Variants in GAB1 observed in about 807,000 individuals in gnomAD.
GAB1 encodes the protein GRB2 associated binding protein 1, also known as GRB2-associated-binding protein 1.
In GAB1, 19 loss-of-function variants were observed where a neutral mutation model predicts 66.5. That is an observed-to-expected ratio of 0.29 (90% CI 0.20 to 0.42). GAB1 has a LOEUF of 0.42. Ranked by LOEUF, GAB1 falls within the 10% of genes least tolerant of loss-of-function variation. The pLI is 1.00. For synonymous variants in GAB1, 294 were observed against 301.4 expected, an observed-to-expected ratio of 0.98 and a Z score of 0.25; for missense variants, 732 against 858.5, an observed-to-expected ratio of 0.85 and a Z score of 1.84.
intron 1 of GAB1, among the ~76,000 whole-genome samples, chr4:143,386,293 C>T (rs551055868): frequency 5.3e-5 from 8 of 152,084 alleles, no homozygotes; most frequent in South Asian, 2.1e-4. Flanking sequence ...TTTGTGAATA[C>T]GTAATGAGAT....
At chr4:143,361,380 A>G (rs1486429375) in intron 1 of GAB1, among the ~76,000 whole-genome samples, 2 of 152,054 alleles carry the variant, frequency 1.3e-5, no homozygotes, top group Non-Finnish European at 2.9e-5. Flanking sequence ...TACTGGGGAG[A>G]TCTCACTGTT....
At chr4:143,429,103 A>C (rs1373979149) in intron 2 of GAB1, among the ~76,000 whole-genome samples, 1 of 151,328 alleles carries the variant, frequency 6.6e-6, no homozygotes, top group Non-Finnish European at 1.5e-5. Context: ...AAGAATTTTT[A>C]TTTATTTATT....
intron 7 of GAB1, 61 bp from the exon 8 acceptor site, chr4:143,460,303 G>C: frequency 6.7e-7 from 1 of 1,496,954 alleles, no homozygotes; most frequent in South Asian, 1.1e-5. Flanking sequence ...TTTTTATTTG[G>C]GGAATAATTT....
intron 1 of GAB1, among the ~76,000 whole-genome samples, chr4:143,362,306 A>G (rs891795109): frequency 6.6e-6 from 1 of 152,188 alleles, no homozygotes; most frequent in African/African-American, 2.4e-5. Context: ...ATGTTACCAG[A>G]AAGGGGTCCT....
intron 1 of GAB1, chr4:143,391,765 C>G (rs999210173): frequency 1.3e-5 from 2 of 152,112 alleles, no homozygotes; most frequent in Non-Finnish European, 2.9e-5. Flanking sequence ...GTAAAATACA[C>G]GAGTTTCTGC....
At chr4:143,388,418 T>A (rs1731016690) in intron 1 of GAB1, among the ~76,000 whole-genome samples, 1 of 152,036 alleles carries the variant, frequency 6.6e-6, no homozygotes, top group African/African-American at 2.4e-5. Flanking sequence ...CAAATAGAGG[T>A]TTTTTTGTGT....
chr4:143,419,885 A>G (rs547779512), intron 2 of GAB1, among the ~76,000 whole-genome samples: 2 of 152,176 alleles, frequency 1.3e-5, no homozygotes, highest in African/African-American at 4.8e-5. Flanking sequence ...AGCCAAAATC[A>G]TACTTTATTC....
chr4:143,405,886 A>G (rs1467891823), intron 1 of GAB1, among the ~76,000 whole-genome samples: 2 of 152,138 alleles, frequency 1.3e-5, no homozygotes, highest in African/African-American at 2.4e-5. Context: ...ATCTACTCCA[A>G]ATGGAAAAGA....
chr4:143,386,253 G>A (rs1024111891), intron 1 of GAB1, among the ~76,000 whole-genome samples: 7 of 152,152 alleles, frequency 4.6e-5, no homozygotes, highest in Non-Finnish European at 1.0e-4. Context: ...AAGTATTTCC[G>A]ATTTCAGATT....
Position 143,415,454 on chromosome 4 carries a change from G to A in GAB1, c.73-23G>A. The A allele has an allele frequency of 2.6e-6, 4 of 1,554,340 alleles. No individual in the cohort carries two copies. In the Admixed American group the frequency reaches 5.6e-5, roughly 22 times the overall value. On this transcript the variant is annotated intron_variant, in intron 1 of 9. Transcript: ENST00000262994. ...ACATTATCTCAAGTTAATACTGAAT[G>A]GATATTTTTGTTTTGTTTCTAGGCA... is the stretch of plus-strand genomic sequence containing the variant.
chr4:143,342,543 CTTTTTTTTTT>C (rs5862632), intron 1 of GAB1, among the ~76,000 whole-genome samples: 11 of 62,496 alleles, frequency 1.8e-4, no homozygotes, highest in Admixed American at 1.4e-3. Flanking sequence ...GTGATAGATT[CTTTTTTTTTT>C]TTTTTTTTTT....
rs1030989845 is a variant in GAB1, at chr4:143,460,441, A to G, written c.1757A>G (p.Glu586Gly). ...TCAAGCAGTGACTCACACGACAGTG[A>G]AGAGAATTATGTTCCCATGAACCCA... ...TTSSSDSHDS[E>G]ENYVPMNPNL... The change falls in exon 8 of 10, where the codon GAA becomes GGA. Residue 586 changes from glutamate (E) to glycine (G), a missense_variant. Transcript: ENST00000262994. 1 of 1,613,700 alleles carries G rather than the reference A, an allele frequency of 6.2e-7. No homozygotes were observed. The highest frequency in any genetic ancestry group is 8.5e-7 in the Non-Finnish European group (1 of 1,179,744).
intron 6 of GAB1, among the ~76,000 whole-genome samples, chr4:143,448,909 T>C (rs1347202959): frequency 6.6e-6 from 1 of 151,900 alleles, no homozygotes; most frequent in East Asian, 1.9e-4. Context: ...TCTTTCCTGC[T>C]TTCTCTTGTA....
chr4:143,468,987 A>C (rs767140846), intron 9 of GAB1, 44 bp from the exon 10 acceptor site: 4 of 1,597,984 alleles, frequency 2.5e-6, no homozygotes, highest in Middle Eastern at 1.7e-4. Context: ...ACTCAGGAAC[A>C]CTCCTTTATA....
At chr4:143,423,872 T>TTA (rs1553951689) in intron 2 of GAB1, among the ~76,000 whole-genome samples, 44 of 136,130 alleles carry the variant, frequency 3.2e-4, no homozygotes, top group Non-Finnish European at 6.3e-4. Context: ...ATTTTTTTTT[T>TTA]AAAAAAAAGG....
At chr4:143,461,692 A>T (rs968504534) in intron 8 of GAB1, among the ~76,000 whole-genome samples, 1 of 152,224 alleles carries the variant, frequency 6.6e-6, no homozygotes, top group Non-Finnish European at 1.5e-5. Context: ...GAGAGCAGGT[A>T]TTGAGGGACA....
rs962903912 is a variant in GAB1 at position 143,337,154 on chromosome 4, C to A, written c.-35C>A. 87 of 1,550,882 alleles carry A rather than the reference C, an allele frequency of 5.6e-5. No homozygotes were observed. Among genetic ancestry groups the A allele is most frequent in the Non-Finnish European group, 7.5e-5 (86 of 1,145,810 alleles). ...TGTCGGGAGCGCGCCCGCCGCCCCT[C>A]AGCTGCCCGGCCCGGAGCCCGAGAC... On this transcript the variant is annotated 5_prime_UTR_variant, in exon 1 of 10. Coordinates refer to ENST00000262994, the MANE Select transcript of GAB1 (RefSeq NM_002039.4).
At chr4:143,447,581 A>G (rs1734633674) in intron 6 of GAB1, among the ~76,000 whole-genome samples, 1 of 152,054 alleles carries the variant, frequency 6.6e-6, no homozygotes, top group Non-Finnish European at 1.5e-5. Context: ...TTCACTCATG[A>G]TTTGGCTCTC....
At chr4:143,461,061 T>TATA (rs1578753778) in intron 8 of GAB1, among the ~76,000 whole-genome samples, 4 of 152,324 alleles carry the variant, frequency 2.6e-5, no homozygotes, top group East Asian at 3.9e-4. Flanking sequence ...CCATAAAGCA[T>TATA]GAGAATTTTC....
Sources: allele counts gnomAD v4.1 joint callset (sites outside exome capture counted in the v4.1 genomes callset), GRCh38; gene constraint gnomAD v4.1.1; transcripts MANE v1.5; gene names NCBI Gene and HGNC (gene_info 2026-07-23, HGNC 2026-07-21).